The following RANBP2 variants were observed in gnomAD, a reference collection of about 807,000 sequenced individuals.
RANBP2 encodes RAN binding protein 2.
Under a neutral mutation model 303.6 loss-of-function variants are expected in RANBP2, and 57 were observed. The observed-to-expected ratio is 0.19, with a 90% CI of 0.15 to 0.23. The LOEUF (loss-of-function observed/expected upper bound fraction) is 0.23, where lower values mean the gene tolerates loss of function less well. RANBP2 is among the 10% of genes least tolerant of loss of function. The probability of loss-of-function intolerance (pLI) is 1.00; values close to 1 mark genes in which losing one functional copy is unlikely to be tolerated. For missense variants in RANBP2, 3,138 were observed against 3,780.8 expected (o/e 0.83, Z 4.46); for synonymous variants, 1,167 against 1,301.5 (o/e 0.90, Z 2.23).
chr2:109,540,798 C>CAA, the RANBP2 span, among the ~76,000 whole-genome samples: 10,205 of 131,058 alleles, frequency 0.078, 739 homozygotes, highest in African/African-American at 0.17. Flanking sequence ...AAGACCCTGT[C>CAA]AAAAAAAAAA....
At chr2:109,670,130 A>G in the RANBP2 span, among the ~76,000 whole-genome samples, 6 of 152,162 alleles carry the variant, frequency 3.9e-5, no homozygotes, top group Non-Finnish European at 7.4e-5. Flanking sequence ...TAGCTGGGCT[A>G]CAGCTGCAGA....
chr2:108,745,620 G>T (rs1696443261), intron 7 of RANBP2, among the ~76,000 whole-genome samples: 4 of 149,128 alleles, frequency 2.7e-5, no homozygotes, highest in South Asian at 2.1e-4. Flanking sequence ...ATAGGTTATT[G>T]CATGAGGATC....
the RANBP2 span, among the ~76,000 whole-genome samples, chr2:109,528,970 G>A: frequency 3.3e-5 from 5 of 152,166 alleles, no homozygotes; most frequent in African/African-American, 7.2e-5. Context: ...TGACCTTAGC[G>A]CTCAGACCCA....
the RANBP2 span, among the ~76,000 whole-genome samples, chr2:109,518,272 G>A: frequency 2.0e-5 from 3 of 152,172 alleles, no homozygotes; most frequent in Admixed American, 1.3e-4. Flanking sequence ...TACACAGGCC[G>A]GCCCTCCAGG....
the RANBP2 span, chr2:108,931,066 G>A: frequency 2.0e-5 from 32 of 1,587,134 alleles, no homozygotes; most frequent in African/African-American, 1.5e-4. Flanking sequence ...GGGCACTGGC[G>A]GTAGCACCCC....
chr2:108,979,317 C>T, the RANBP2 span, among the ~76,000 whole-genome samples: 1 of 152,136 alleles, frequency 6.6e-6, no homozygotes, highest in Admixed American at 6.6e-5. Flanking sequence ...ATTTGGCGAA[C>T]CTCACTCCTC....
chr2:109,410,179 A>G, the RANBP2 span, among the ~76,000 whole-genome samples: 1 of 152,234 alleles, frequency 6.6e-6, no homozygotes, highest in African/African-American at 2.4e-5. Flanking sequence ...AACCGCGGCC[A>G]CAGCACTGCA....
chr2:108,771,802 C>A lies in RANBP2; in HGVS notation c.7951C>A (p.Leu2651Ile), dbSNP rs766575112. Residue 2651 changes from leucine (L) to isoleucine (I), a missense_variant, in exon 21 of 29, where the codon CTT becomes ATT. Around this residue, in one of 20 missense-constraint regions of RANBP2, gnomAD observed 497 missense variants for 465.8 expected, o/e 1.07. Coordinates refer to ENST00000283195, the MANE Select transcript of RANBP2 (RefSeq NM_006267.5). ...TGAGCAGAAAGCCCTTGCAACCAAA[C>A]TTAAACTTCCTCCAACTTTCTTCTG... ...TAEQKALATK[L>I]KLPPTFFCYK... 1 of 1,614,056 alleles carries A rather than the reference C, an allele frequency of 6.2e-7. No homozygotes were observed. Among genetic ancestry groups the A allele is most frequent in the Admixed American group, 1.7e-5 (1 of 60,016 alleles).
At chr2:109,717,618 C>A in the RANBP2 span, among the ~76,000 whole-genome samples, 6 of 142,536 alleles carry the variant, frequency 4.2e-5, no homozygotes, top group Non-Finnish European at 9.4e-5. Flanking sequence ...ACAACAACAA[C>A]AAAACAGTTC....
At chr2:109,653,267 C>G in the RANBP2 span, among the ~76,000 whole-genome samples, 1 of 151,886 alleles carries the variant, frequency 6.6e-6, no homozygotes, top group East Asian at 1.9e-4. Flanking sequence ...TGGTGGTGGG[C>G]ACCTGTAATC....
At chr2:109,433,169 C>T in the RANBP2 span, among the ~76,000 whole-genome samples, 1 of 152,150 alleles carries the variant, frequency 6.6e-6, no homozygotes, top group Non-Finnish European at 1.5e-5. Context: ...AATGTAGGTA[C>T]AGCATGTGTG....
At chr2:109,669,788 G>A in the RANBP2 span, among the ~76,000 whole-genome samples, 1 of 152,148 alleles carries the variant, frequency 6.6e-6, no homozygotes, top group Non-Finnish European at 1.5e-5. Context: ...CACAGGAGGT[G>A]AGAACCTTGA....
At position 108,767,495 on chromosome 2, in the gene RANBP2, T is replaced by A; in HGVS notation, c.6956T>A (p.Leu2319Gln). ...YFEPVVPLPD[L>Q]VEVSSGEENE... ...GAACCTGTTGTTCCTTTACCTGATC[T>A]AGTTGAAGTATCCAGTGGTGAGGAA... The change falls in exon 20 of 29, where the codon CTA (leucine) becomes CAA (glutamine). Residue 2319 changes from leucine (L) to glutamine (Q), a missense_variant. Transcript: ENST00000283195. The A allele has an allele frequency of 6.2e-7, 1 of 1,611,968 alleles. No homozygotes were observed. The highest frequency in any genetic ancestry group is 8.5e-7 in the Non-Finnish European group (1 of 1,179,832).
chr2:109,593,059 C>T, the RANBP2 span: 3 of 1,593,180 alleles, frequency 1.9e-6, no homozygotes, highest in Non-Finnish European at 2.6e-6. Context: ...ACTATCTGTT[C>T]ATCATCTGAT....
At chr2:109,352,052 G>A in the RANBP2 span, among the ~76,000 whole-genome samples, 2 of 152,166 alleles carry the variant, frequency 1.3e-5, no homozygotes, top group Non-Finnish European at 2.9e-5. Flanking sequence ...ATCATGGCAC[G>A]TTTCTTTAAT....
chr2:109,213,326 A>G, the RANBP2 span, among the ~76,000 whole-genome samples: 2 of 152,324 alleles, frequency 1.3e-5, no homozygotes, highest in African/African-American at 4.8e-5. Context: ...GTGTACGCCA[A>G]ACGCAGCCCG....
At chr2:108,979,430 C>T in the RANBP2 span, among the ~76,000 whole-genome samples, 1 of 148,256 alleles carries the variant, frequency 6.7e-6, no homozygotes, top group Non-Finnish European at 1.5e-5. Flanking sequence ...CTGTCTCTCT[C>T]TCTCTTTCTC....
chr2:109,535,631 G>A, the RANBP2 span, among the ~76,000 whole-genome samples: 4 of 152,204 alleles, frequency 2.6e-5, no homozygotes, highest in African/African-American at 9.6e-5. Flanking sequence ...GCACAGCCAG[G>A]AATGTAAGAA....
the RANBP2 span, among the ~76,000 whole-genome samples, chr2:109,299,420 ATCCTTAAGAT>A: frequency 8.7e-5 from 13 of 149,792 alleles, no homozygotes; most frequent in Non-Finnish European, 1.8e-4. Context: ...TTGAGTGGCC[ATCCTTAAGAT>A]CACCCTAAGG....
Sources: gnomAD v4.1 joint callset for allele counts (sites outside exome capture counted in the v4.1 genomes callset) on GRCh38, gnomAD v4.1.1 for gene constraint, gnomAD v4.1.1 regional missense constraint, MANE v1.5 for transcripts, NCBI Gene and HGNC (gene_info 2026-07-23, HGNC 2026-07-21) for gene names.